MAGEA11: variants seen among roughly 807,000 people sequenced by gnomAD.
MAGEA11 encodes melanoma-associated antigen 11.
A neutral mutation model predicts 8.4 loss-of-function variants in MAGEA11; 1 was observed. The ratio of observed to expected loss-of-function variants is 0.12; its 90% CI spans 0.04 to 0.57. MAGEA11 has a LOEUF of 0.57. MAGEA11 is among the 20% of genes least tolerant of loss of function. The pLI is 0.91. For synonymous variants in MAGEA11, 127 were observed against 119.3 expected, an observed-to-expected ratio of 1.06 and a Z score of -0.42; for missense variants, 209 against 317.3, an observed-to-expected ratio of 0.66 and a Z score of 2.59.
upstream of MAGEA11, chrX:149,688,805 G>A (rs1195872707): frequency 3.1e-6 from 1 of 318,117 alleles, no homozygotes; most frequent in African/African-American, 2.7e-5. Context: ...TCATTCTCTT[G>A]ATCACTGTAG....
At chrX:149,712,528 T>C (rs782332300) in intron 1 of MAGEA11, among the ~76,000 whole-genome samples, 39 of 109,964 alleles carry the variant, frequency 3.5e-4, no homozygotes, top group African/African-American at 1.0e-3. Flanking sequence ...AGAGAAGTGA[T>C]AGCCCGGTTC....
chrX:149,712,090 G>A lies in MAGEA11; in HGVS notation c.-90G>A. The stretch of plus-strand genomic sequence containing the variant: ...CTTCCGCCTCTGGGATCTGAGAGAA[G>A]CGAAAGCGTCTTTCTGAGGGGTGTC... On this transcript the variant is annotated 5_prime_UTR_variant, in exon 1 of 5. Transcript: ENST00000355220. The A allele has an allele frequency of 4.0e-6, 3 of 752,940 alleles. No homozygotes were observed. Among genetic ancestry groups the A allele is most frequent in the Non-Finnish European group, 4.7e-6 (3 of 638,268 alleles). The allele number at this position is 752,940 out of a possible 1,213,427, so 62.1% of individuals were successfully genotyped here.
intron 1 of MAGEA11, among the ~76,000 whole-genome samples, chrX:149,697,661 GA>G (rs1187448672): frequency 5.6e-5 from 6 of 107,677 alleles, no homozygotes; most frequent in East Asian, 2.9e-4. Context: ...GAGGCCTAAG[GA>G]AAAAAAAATG....
chrX:149,707,787 A>G (rs2124297617), upstream of MAGEA11, among the ~76,000 whole-genome samples: 1 of 112,261 alleles, frequency 8.9e-6, no homozygotes, highest in East Asian at 2.8e-4. Flanking sequence ...GTCAGTCCTC[A>G]CATTTGGCTT....
chrX:149,691,178 T>G (rs968064870), intron 1 of MAGEA11, among the ~76,000 whole-genome samples: 14 of 111,660 alleles, frequency 1.3e-4, no homozygotes, highest in Non-Finnish European at 2.3e-4. Context: ...TTTTTTAGTT[T>G]ATTAGATTTT....
intron 1 of MAGEA11, among the ~76,000 whole-genome samples, chrX:149,695,081 C>T (rs782063223): frequency 5.5e-4 from 62 of 111,992 alleles, no homozygotes; most frequent in East Asian, 1.4e-3. Context: ...CTCTTTATCT[C>T]GCCTCTGATG....
At chrX:149,698,953 T>C (rs944945435) in intron 1 of MAGEA11, among the ~76,000 whole-genome samples, 2 of 112,160 alleles carry the variant, frequency 1.8e-5, no homozygotes, top group African/African-American at 6.5e-5. Context: ...TTCCTTTTTA[T>C]GGCTGAATAG....
intron 1 of MAGEA11, among the ~76,000 whole-genome samples, chrX:149,697,947 G>A (rs1248513048): frequency 7.2e-5 from 8 of 111,783 alleles, no homozygotes; most frequent in African/African-American, 2.6e-4. Context: ...TTGTGAAGAC[G>A]GACATGTTTG....
chrX:149,694,729 T>A (rs782684694), intron 1 of MAGEA11, among the ~76,000 whole-genome samples: 66 of 111,271 alleles, frequency 5.9e-4, no homozygotes, highest in African/African-American at 1.8e-3. Flanking sequence ...TTCTTTTTTT[T>A]AATTTTATTT....
upstream of MAGEA11, chrX:149,688,335 G>C (rs1290194520): frequency 8.9e-6 from 1 of 112,422 alleles, no homozygotes; most frequent in Non-Finnish European, 1.9e-5. Flanking sequence ...CAGGTGAGGA[G>C]AGATGACTGT....
upstream of MAGEA11, among the ~76,000 whole-genome samples, chrX:149,709,053 G>A (rs1412116378): frequency 3.6e-5 from 4 of 109,697 alleles, no homozygotes; most frequent in East Asian, 2.8e-4. Context: ...TTGGAAGGCC[G>A]AGACAGGTGG....
chrX:149,701,884 C>T (rs901697796), intron 1 of MAGEA11, among the ~76,000 whole-genome samples: 111 of 111,457 alleles, frequency 1.0e-3, no homozygotes, highest in Non-Finnish European at 1.2e-3. Context: ...TGTAGATATG[C>T]GGCGTTATTT....
chrX:149,715,286 T>C (rs966737362), intron 3 of MAGEA11, among the ~76,000 whole-genome samples: 34 of 111,827 alleles, frequency 3.0e-4, no homozygotes, highest in South Asian at 1.5e-3. Flanking sequence ...GGCCCACCTT[T>C]CTGACAGTGC....
chrX:149,689,027 G>A (rs782528312), intron 1 of MAGEA11: 1 of 1,001,537 alleles, frequency 1.0e-6, no homozygotes, highest in African/African-American at 1.9e-5. Context: ...GCTGGAGTGG[G>A]AATGCCCAGG....
intron 1 of MAGEA11, among the ~76,000 whole-genome samples, chrX:149,696,108 C>T (rs782149207): frequency 2.7e-5 from 3 of 111,086 alleles, no homozygotes; most frequent in South Asian, 7.9e-4. Flanking sequence ...CTAACTAGCC[C>T]CCAGGTGATG....
intron 1 of MAGEA11, among the ~76,000 whole-genome samples, chrX:149,695,253 G>A (rs1281135435): frequency 3.6e-5 from 4 of 110,576 alleles, no homozygotes; most frequent in South Asian, 3.9e-4. Flanking sequence ...TTACTGGATC[G>A]TTGACACCTA....
chrX:149,700,654 T>C (rs1000833936), intron 1 of MAGEA11, among the ~76,000 whole-genome samples: 1 of 109,880 alleles, frequency 9.1e-6, no homozygotes, highest in Non-Finnish European at 1.9e-5. Context: ...CATGCTGGTG[T>C]GCTTCACCCA....
At chrX:149,699,655 A>G (rs2124285717) in intron 1 of MAGEA11, among the ~76,000 whole-genome samples, 1 of 111,602 alleles carries the variant, frequency 9.0e-6, no homozygotes, top group Non-Finnish European at 1.9e-5. Context: ...CCAACTTGAG[A>G]AGGCAGCCCA....
chrX:149,711,806 T>C (rs1424529958), upstream of MAGEA11: 53 of 750,510 alleles, frequency 7.1e-5, no homozygotes, highest in Non-Finnish European at 7.8e-5. Context: ...GCAGACATCA[T>C]TGGCAGAGGA....
Sources: gnomAD v4.1 joint callset for allele counts (sites outside exome capture counted in the v4.1 genomes callset) on GRCh38, gnomAD v4.1.1 for gene constraint, MANE v1.5 for transcripts, NCBI Gene and HGNC (gene_info 2026-07-23, HGNC 2026-07-21) for gene names.